CASS4: variants seen among roughly 807,000 people sequenced by gnomAD.
CASS4 encodes Cas scaffold protein family member 4.
CASS4 carries 22 observed loss-of-function variants against 54.2 expected under a neutral mutation model. The observed-to-expected ratio is 0.41, with a 90% CI of 0.29 to 0.58. CASS4 has a LOEUF of 0.58. Among genes scored for constraint, CASS4 ranks in the 20% least tolerant of loss-of-function variants. The probability of loss-of-function intolerance (pLI) is 0.36; values close to 1 mark genes in which losing one functional copy is unlikely to be tolerated. For missense variants in CASS4, 854 were observed against 986.7 expected, an observed-to-expected ratio of 0.87 and a Z score of 1.80; for synonymous variants, 409 against 391.5, an observed-to-expected ratio of 1.04 and a Z score of -0.53.
At chr20:56,427,237 C>T (rs1979683194) in intron 1 of CASS4, among the ~76,000 whole-genome samples, 2 of 151,560 alleles carry the variant, frequency 1.3e-5, no homozygotes, top group African/African-American at 4.8e-5. Context: ...ATGTTGTTAC[C>T]CACCAGAAAT....
At chr20:56,436,845 C>T (rs191329938) in intron 1 of CASS4, among the ~76,000 whole-genome samples, 167 of 152,120 alleles carry the variant, frequency 1.1e-3, no homozygotes, top group Middle Eastern at 3.4e-3. Context: ...CAAGATTTCA[C>T]CGCTGCACTC....
chr20:56,433,969 G>C (rs1980035363), intron 1 of CASS4, among the ~76,000 whole-genome samples: 2 of 152,226 alleles, frequency 1.3e-5, no homozygotes, highest in South Asian at 4.1e-4. Flanking sequence ...GAGGGCTGCA[G>C]CTGATTCTGT....
intron 1 of CASS4, among the ~76,000 whole-genome samples, chr20:56,429,869 C>T (rs781383101): frequency 1.7e-4 from 26 of 152,106 alleles, no homozygotes; most frequent in Non-Finnish European, 3.2e-4. Flanking sequence ...TCATAACTTC[C>T]TGTATTTTTT....
chr20:56,459,753 G>A lies in CASS4; in HGVS notation c.*1006G>A, dbSNP rs1981513556. ...CAAAGTGCTGGGATTACAGGCCTGA[G>A]CCACCATTCCTGGCATGTACGTGTT... On this transcript the variant is annotated 3_prime_UTR_variant, in exon 6 of 6. Coordinates refer to ENST00000679887, the MANE Select transcript of CASS4 (RefSeq NM_020356.4). 6.5e-6 allele frequency: 1 copy of A among 153,236 alleles called. No individual in the cohort carries two copies. Among genetic ancestry groups the A allele is most frequent in the Non-Finnish European group, 1.5e-5 (1 of 68,784 alleles). 9.5% of individuals were successfully genotyped at this position (153,236 alleles called of 1,614,324 possible). A position where few individuals can be genotyped will look rare whatever the true frequency, so the allele number is the denominator to read the frequency against.
intron 1 of CASS4, among the ~76,000 whole-genome samples, chr20:56,434,107 A>G (rs559265600): frequency 2.6e-5 from 4 of 152,304 alleles, no homozygotes; most frequent in Admixed American, 2.6e-4. Context: ...GGGTACAAGG[A>G]ACTGTGCAGT....
chr20:56,417,105 A>G (rs376709280), intron 1 of CASS4, among the ~76,000 whole-genome samples: 4 of 152,330 alleles, frequency 2.6e-5, no homozygotes, highest in East Asian at 1.9e-4. Context: ...GGAAGTGTGT[A>G]CCACTTGCTG....
chr20:56,427,119 C>G (rs1979674398), intron 1 of CASS4, among the ~76,000 whole-genome samples: 1 of 150,954 alleles, frequency 6.6e-6, no homozygotes, highest in African/African-American at 2.4e-5. Context: ...CATGATCATG[C>G]CTGTGAATAG....
rs146617358 is a variant in CASS4, at chr20:56,451,864, G to A, written c.688G>A (p.Gly230Ser). The change falls in exon 5 of 6, where the codon GGT (glycine) becomes AGT (serine). Residue 230 changes from glycine to serine, a missense_variant. Gly to Ser is a moderately conservative substitution (Grantham distance 56). Transcript: ENST00000679887. ...ATCAGTGACTACCTTAAGAAGAGGC[G>A]GTTACAGCACATTACCAAATCCTCA... is the stretch of plus-strand genomic sequence containing the variant. ...LISVTTLRRG[G>S]YSTLPNPQKS... The A allele has an allele frequency of 4.6e-4, 738 of 1,612,494 alleles. 4 individuals are homozygous for A. The highest frequency in any genetic ancestry group is 6.0e-4 in the Non-Finnish European group (706 of 1,178,812).
rs370506918 is a variant in CASS4, at chr20:56,457,110, A to G, written c.1954-1230A>G. Among the ~76,000 whole-genome samples, 77 of 152,342 alleles carry G rather than the reference A, an allele frequency of 5.1e-4. 1 individual carries two copies. The highest frequency in any genetic ancestry group is 1.8e-3 in the African/African-American group (75 of 41,580). The stretch of plus-strand genomic sequence containing the variant: ...TCCAAATATGCAATTCTAATAATGA[A>G]GGTGCTTCTTCGAAGTATGCCTTCC... On this transcript the variant is annotated intron_variant, in intron 5 of 5. Transcript: ENST00000679887.
intron 1 of CASS4, among the ~76,000 whole-genome samples, chr20:56,432,833 G>A (rs941149985): frequency 6.6e-6 from 1 of 152,184 alleles, no homozygotes; most frequent in Non-Finnish European, 1.5e-5. Flanking sequence ...GTTACGCCTT[G>A]AGGTTTATCT....
chr20:56,432,899 G>GGA (rs1555865190), intron 1 of CASS4, among the ~76,000 whole-genome samples: 1 of 152,044 alleles, frequency 6.6e-6, no homozygotes. Context: ...TGTGGGCAGG[G>GGA]GCGTCACAGA....
intron 1 of CASS4, among the ~76,000 whole-genome samples, chr20:56,420,545 T>G (rs536400581): frequency 6.8e-5 from 10 of 147,908 alleles, no homozygotes; most frequent in Non-Finnish European, 1.3e-4. Context: ...CACGCCACCA[T>G]GCCCATCTAA....
rs1980953642 is a variant in CASS4 at position 56,450,670 on chromosome 20, C to T, written c.633C>T (p.Ser211=). The T allele has an allele frequency of 6.2e-7, 1 of 1,613,978 alleles. No homozygotes were observed. ...AGGCAGGACTCCATCCCCCAGACAG[C>T]CAAGCAAGTGTAAGTATGAAGAGGT... ...PKKAGLHPPD[S]QASGQGVPLI... The change falls in exon 4 of 6, where the codon AGC becomes AGT. Residue 211 remains serine (S), a synonymous_variant. Transcript: ENST00000679887.
chr20:56,425,306 G>C (rs952127986), intron 1 of CASS4, among the ~76,000 whole-genome samples: 1 of 152,208 alleles, frequency 6.6e-6, no homozygotes, highest in African/African-American at 2.4e-5. Context: ...GACTCTTAAT[G>C]CACCTGCAGT....
intron 1 of CASS4, among the ~76,000 whole-genome samples, chr20:56,426,235 C>G (rs1250050117): frequency 1.3e-5 from 2 of 152,220 alleles, no homozygotes; most frequent in Non-Finnish European, 2.9e-5. Flanking sequence ...AAGCTACTTT[C>G]TCACCCTCTC....
At chr20:56,453,608 G>T (rs1981147220) in intron 5 of CASS4, 1 of 155,036 alleles carries the variant, frequency 6.5e-6, no homozygotes, top group South Asian at 2.0e-4. Context: ...CTTTTCTGAG[G>T]CTGGGCCTGG....
Position 56,452,645 on chromosome 20 carries a change from T to C in CASS4, c.1469T>C (p.Val490Ala), listed in dbSNP as rs1477024373. The C allele has an allele frequency of 1.2e-6, 2 of 1,614,024 alleles. No homozygotes were observed. Among genetic ancestry groups the C allele is most frequent in the Non-Finnish European group, 1.7e-6 (2 of 1,180,028 alleles). The change falls in exon 5 of 6, where the codon GTA becomes GCA. Residue 490 changes from valine to alanine, a missense_variant. By Grantham distance (64) the Val-to-Ala change is moderately conservative. Transcript: ENST00000679887. The stretch of plus-strand genomic sequence containing the variant: ...TCCACTGATCACATAGAAGAATCTG[T>C]AAGAGAATTTCTGGATTTTGCCCGA... ...HRSTDHIEES[V>A]REFLDFARGV...
At position 56,437,195 on chromosome 20, in the gene CASS4, G is replaced by T. The variant is rs1033734315; in HGVS notation, c.68G>T (p.Cys23Phe). ...CTGGCCAGGGCACTTTATGACAACTGCCCTGACTGCTCTGACGAGCTGGCT... is the reference window on the plus strand; with the variant it reads ...CTGGCCAGGGCACTTTATGACAACTTCCCTGACTGCTCTGACGAGCTGGCT... ...ALLARALYDN[C>F]PDCSDELAFS... is the part of the protein sequence containing the mutation. The change falls in exon 2 of 6, where the codon TGC becomes TTC. Residue 23 changes from cysteine (C) to phenylalanine (F), a missense_variant. Coordinates refer to ENST00000679887, the MANE Select transcript of CASS4 (RefSeq NM_020356.4). The surrounding 1 kb of genome is among the most constrained non-coding windows in gnomAD (Gnocchi z 4.7). The T allele has an allele frequency of 2.5e-6, 4 of 1,587,568 alleles. No individual in the cohort carries two copies. Among genetic ancestry groups the T allele is most frequent in the South Asian group, 2.3e-5 (2 of 86,826 alleles).
rs1978947214 is a variant in CASS4 at position 56,412,876 on chromosome 20, T to C, written c.36+382T>C. Among the ~76,000 whole-genome samples the C allele has an allele frequency of 6.6e-6, 1 of 152,164 alleles. No individual in the cohort carries two copies. Among genetic ancestry groups the C allele is most frequent in the African/African-American group, 2.4e-5 (1 of 41,436 alleles). On this transcript the variant is annotated intron_variant, in intron 1 of 5. Coordinates refer to ENST00000679887, the MANE Select transcript of CASS4 (RefSeq NM_020356.4). This position sits in a 1 kb window ranked among gnomAD's most constrained non-coding sequence, Gnocchi z 4.2. ...TAACTGTCCTATTTGGTTTCTGTGC[T>C]CACCTCCCAACAGCAGAGCCCAGAC...
Sources: allele counts gnomAD v4.1 joint callset (sites outside exome capture counted in the v4.1 genomes callset), GRCh38; gene constraint gnomAD v4.1.1; non-coding constraint Gnocchi (gnomAD v3.1); transcripts MANE v1.5; gene names NCBI Gene and HGNC (gene_info 2026-07-23, HGNC 2026-07-21).